DNAJC11: variants seen among roughly 807,000 people sequenced by gnomAD.
The protein encoded by DNAJC11 is dnaJ homolog subfamily C member 11.
DNAJC11 carries 15 observed loss-of-function variants against 78.6 expected under a neutral mutation model. The observed-to-expected ratio is 0.19, with a 90% CI of 0.13 to 0.29. The LOEUF (loss-of-function observed/expected upper bound fraction) is 0.29. DNAJC11 is among the 10% of genes least tolerant of loss of function. DNAJC11 has a pLI of 1.00. For synonymous variants in DNAJC11, 292 were observed against 272.1 expected, an observed-to-expected ratio of 1.07 and a Z score of -0.72; for missense variants, 547 against 709.6, an observed-to-expected ratio of 0.77 and a Z score of 2.60.
Position 6,635,505 on chromosome 1 carries a change from T to A in DNAJC11, c.*170A>T. On this transcript the variant is annotated 3_prime_UTR_variant, in exon 16 of 16. Coordinates refer to ENST00000377577, the MANE Select transcript of DNAJC11 (RefSeq NM_018198.4). ...TGCCTCAGTCCTACCCCCAGCACCC[T>A]CAAAAGCTGGGGTGTCTGCATGTCC... 1 of 723,742 alleles carries A rather than the reference T, an allele frequency of 1.4e-6. No individual in the cohort carries two copies. The highest frequency in any genetic ancestry group is 2.3e-6 in the Non-Finnish European group (1 of 444,328). The allele number at this position is 723,742 out of a possible 1,614,324, so 44.8% of individuals were successfully genotyped here.
rs528476412 is a variant in DNAJC11 at position 6,636,071 on chromosome 1, G to A, written c.1654+46C>T. 6.1e-5 allele frequency: 97 copies of A among 1,585,656 alleles called. 2 individuals are homozygous for A. The South Asian group carries it at 1.1e-3, about 17-fold the overall frequency. ...CCACACACTGAGCAGCCGCTTCGAG[G>A]TCCCCGCCCCCGTTAGCTGGTGACT... On this transcript the variant is annotated intron_variant, in intron 15 of 15. Transcript: ENST00000377577.
intron 7 of DNAJC11, among the ~76,000 whole-genome samples, chr1:6,649,300 G>A (rs1233441568): frequency 6.6e-6 from 1 of 152,038 alleles, no homozygotes; most frequent in Non-Finnish European, 1.5e-5. Flanking sequence ...CTCCCGAGTA[G>A]CTGGGACTAA....
intron 1 of DNAJC11, among the ~76,000 whole-genome samples, chr1:6,692,714 G>C (rs1557490089): frequency 6.8e-6 from 1 of 147,718 alleles, no homozygotes; most frequent in East Asian, 2.0e-4. Context: ...GGGTTCAAGT[G>C]AATCTCCTGC....
At chr1:6,641,526 T>C (rs1641878626) in intron 10 of DNAJC11, among the ~76,000 whole-genome samples, 1 of 151,262 alleles carries the variant, frequency 6.6e-6, no homozygotes, top group Admixed American at 6.6e-5. Context: ...AAGGTAGACT[T>C]CAAGACAAAA....
intron 2 of DNAJC11, 103 bp from the exon 3 acceptor site, chr1:6,678,570 G>T: frequency 2.2e-6 from 2 of 892,528 alleles, no homozygotes; most frequent in Admixed American, 2.6e-5. Flanking sequence ...TGTTCTCCCT[G>T]TCTGATCACA....
At position 6,667,727 on chromosome 1, in the gene DNAJC11, C is replaced by T; in HGVS notation, c.360G>A (p.Gln120=). 1 of 1,614,160 alleles carries T rather than the reference C, an allele frequency of 6.2e-7. No homozygotes were observed. Among genetic ancestry groups the T allele is most frequent in the South Asian group, 1.1e-5 (1 of 91,070 alleles). Residue 120 remains glutamine, a synonymous_variant, in exon 4 of 16, where the codon CAG becomes CAA. Coordinates refer to ENST00000377577, the MANE Select transcript of DNAJC11 (RefSeq NM_018198.4). The part of the protein sequence containing the change: ...LQREREERRL[Q]QRTNPKGTIS... ...GGCTTACCTTGGGATTGGTTCGCTG[C>T]TGCAATCTCCTCTCTTCTCTCTCTC... is the stretch of plus-strand genomic sequence containing the variant.
At chr1:6,699,587 G>C (rs971651409) in intron 1 of DNAJC11, among the ~76,000 whole-genome samples, 6 of 152,098 alleles carry the variant, frequency 3.9e-5, no homozygotes, top group African/African-American at 1.4e-4. Context: ...AGTATAACTA[G>C]CCAGACATCT....
At chr1:6,672,159 G>A (rs1642391632) in intron 3 of DNAJC11, among the ~76,000 whole-genome samples, 1 of 152,130 alleles carries the variant, frequency 6.6e-6, no homozygotes, top group South Asian at 2.1e-4. Context: ...ATAATTGAGT[G>A]TTCTATTCAA....
At chr1:6,675,288 TG>T (rs1217068373) in intron 3 of DNAJC11, among the ~76,000 whole-genome samples, 1 of 143,178 alleles carries the variant, frequency 7.0e-6, no homozygotes. Context: ...AGTATCCACA[TG>T]AAAAAAAAAA....
At chr1:6,650,363 T>C (rs1642036016) in intron 7 of DNAJC11, among the ~76,000 whole-genome samples, 1 of 151,660 alleles carries the variant, frequency 6.6e-6, no homozygotes, top group African/African-American at 2.4e-5. Context: ...TCCAGGAGCT[T>C]GAGACCAGCC....
At chr1:6,667,497 C>T (rs751834926) in intron 4 of DNAJC11, among the ~76,000 whole-genome samples, 2 of 152,124 alleles carry the variant, frequency 1.3e-5, no homozygotes, top group Non-Finnish European at 2.9e-5. Context: ...TGGTACAAAA[C>T]CTCCTGGAGA....
Position 6,680,875 on chromosome 1 carries a change from G to A in DNAJC11, c.202+33C>T. 1 of 1,604,486 alleles carries A rather than the reference G, an allele frequency of 6.2e-7. No homozygotes were observed. The highest frequency in any genetic ancestry group is 8.5e-7 in the Non-Finnish European group (1 of 1,173,872). On this transcript the variant is annotated intron_variant, in intron 2 of 15. Transcript: ENST00000377577. This position sits in a 1 kb window ranked among gnomAD's most constrained non-coding sequence, Gnocchi z 4.0. ...CCTAAAAATCGAATATCTGTTACCAGGATGTTTCTACAAAGTCCGGCCCTC... is the reference window on the plus strand; with the variant it reads ...CCTAAAAATCGAATATCTGTTACCAAGATGTTTCTACAAAGTCCGGCCCTC...
chr1:6,651,105 A>T (rs1204333176), intron 7 of DNAJC11: 1 of 535,476 alleles, frequency 1.9e-6, no homozygotes, highest in Admixed American at 1.9e-5. Flanking sequence ...CAGAGACGAC[A>T]GGAAGCAGAG....
intron 10 of DNAJC11, among the ~76,000 whole-genome samples, chr1:6,641,787 C>CT (rs1191929325): frequency 2.0e-5 from 3 of 152,186 alleles, no homozygotes; most frequent in Admixed American, 2.0e-4. Flanking sequence ...GATTCACTCA[C>CT]TGAGTTCCTC....
intron 1 of DNAJC11, among the ~76,000 whole-genome samples, chr1:6,696,497 T>C (rs1323573230): frequency 6.6e-6 from 1 of 152,190 alleles, no homozygotes; most frequent in African/African-American, 2.4e-5. Flanking sequence ...TCTACTCTTC[T>C]AGCCCTTCCT....
Position 6,653,442 on chromosome 1 carries a change from C to T in DNAJC11, c.507+469G>A, listed in dbSNP as rs760498620. On this transcript the variant is annotated intron_variant, in intron 5 of 15. Transcript: ENST00000377577. This position sits in a 1 kb window ranked among gnomAD's most constrained non-coding sequence, Gnocchi z 4.5. Reference sequence around the variant, plus strand: ...TGAGGAGACAAAGACCTACTATAAACGCTCAGGAGAATGACCTGACCTCGT... The same window carrying T: ...TGAGGAGACAAAGACCTACTATAAATGCTCAGGAGAATGACCTGACCTCGT... Among the ~76,000 whole-genome samples, 11 of 152,198 alleles carry T rather than the reference C, an allele frequency of 7.2e-5. No individual in the cohort carries two copies. The highest frequency in any genetic ancestry group is 1.9e-4 in the East Asian group (1 of 5,202).
chr1:6,688,653 A>C (rs953026135), intron 1 of DNAJC11, among the ~76,000 whole-genome samples: 1 of 152,228 alleles, frequency 6.6e-6, no homozygotes, highest in Non-Finnish European at 1.5e-5. Context: ...CAGAATGCAA[A>C]GAAAACTTCA....
At chr1:6,682,460 C>T (rs1287672208) in intron 1 of DNAJC11, among the ~76,000 whole-genome samples, 1 of 152,134 alleles carries the variant, frequency 6.6e-6, no homozygotes, top group Non-Finnish European at 1.5e-5. Flanking sequence ...GACATTGGCC[C>T]ATCGGTCCCA....
chr1:6,635,789 A>C lies in DNAJC11; in HGVS notation c.1655-89T>G, dbSNP rs943767091. On this transcript the variant is annotated intron_variant, in intron 15 of 15. Coordinates refer to ENST00000377577, the MANE Select transcript of DNAJC11 (RefSeq NM_018198.4). ...ATGGGGCTCAGCAGTCACCCGGACC[A>C]GCAGCTGGCTGGGCCCAGGCGAGGC... 209 of 1,512,972 alleles carry C rather than the reference A, an allele frequency of 1.4e-4. 1 individual carries two copies. The highest frequency in any genetic ancestry group is 1.8e-4 in the Non-Finnish European group (198 of 1,097,636). 93.7% of individuals were successfully genotyped at this position (1,512,972 alleles called of 1,614,324 possible).
Sources: gnomAD v4.1 joint callset for allele counts (sites outside exome capture counted in the v4.1 genomes callset) on GRCh38, gnomAD v4.1.1 for gene constraint, Gnocchi (gnomAD v3.1) non-coding constraint, MANE v1.5 for transcripts, NCBI Gene and HGNC (gene_info 2026-07-23, HGNC 2026-07-21) for gene names.